Variants in APPL1 observed in about 807,000 individuals in gnomAD.
APPL1 encodes DCC-interacting protein 13-alpha.
A neutral mutation model predicts 106.8 loss-of-function variants in APPL1; 42 were observed. The ratio of observed to expected loss-of-function variants is 0.39; its 90% CI spans 0.31 to 0.51. The LOEUF (loss-of-function observed/expected upper bound fraction) is 0.51. Ranked by LOEUF, APPL1 falls within the 20% of genes least tolerant of loss-of-function variation. The probability of loss-of-function intolerance (pLI) is 0.75; values close to 1 mark genes in which losing one functional copy is unlikely to be tolerated. For missense variants in APPL1, 769 were observed against 858.2 expected (o/e 0.90, Z 1.30); for synonymous variants, 263 against 281.8 (o/e 0.93, Z 0.67).
At chr3:57,257,088 G>A in intron 14 of APPL1, 37 bp downstream of exon 14, 8 of 1,595,868 alleles carry the variant, frequency 5.0e-6, no homozygotes, top group South Asian at 2.2e-5. Context: ...AGAAGGAGAT[G>A]GGCTATTTAA....
chr3:57,246,349 A>G, intron 8 of APPL1, 127 bp downstream of exon 8: 1 of 666,036 alleles, frequency 1.5e-6, no homozygotes, highest in South Asian at 6.6e-5. Flanking sequence ...TGTTTTAAGA[A>G]GTTATTTTTA....
chr3:57,263,715 T>G (rs1319801544), intron 19 of APPL1, among the ~76,000 whole-genome samples: 1 of 151,616 alleles, frequency 6.6e-6, no homozygotes, highest in Non-Finnish European at 1.5e-5. Context: ...TCTGGCTGAA[T>G]AGTACTCCAT....
Position 57,253,713 on chromosome 3 carries a change from A to G in APPL1, c.1127A>G (p.Gln376Arg), listed in dbSNP as rs1435250502. The G allele has an allele frequency of 6.9e-7, 1 of 1,445,852 alleles. No individual in the cohort carries two copies. Among genetic ancestry groups the G allele is most frequent in the South Asian group, 1.4e-5 (1 of 70,890 alleles). The allele number at this position is 1,445,852 out of a possible 1,614,324, so 89.6% of individuals were successfully genotyped here. A position where few individuals can be genotyped will look rare whatever the true frequency, so the allele number is the denominator to read the frequency against. The change falls in exon 13 of 22, where the codon CAA becomes CGA. Residue 376 changes from glutamine (Q) to arginine (R), a missense_variant. Coordinates refer to ENST00000288266, the MANE Select transcript of APPL1 (RefSeq NM_012096.3). ...TGTACAATAAACAACATATCTAAAC[A>G]AATATACTTAAGTGAAAATCCAGAG... is the stretch of plus-strand genomic sequence containing the variant. ...WICTINNISK[Q>R]IYLSENPEET...
rs2060910870 is a variant in APPL1 at position 57,268,497 on chromosome 3, C to A, written c.1983+10C>A. On this transcript the variant is annotated intron_variant, in intron 21 of 21. Coordinates refer to ENST00000288266, the MANE Select transcript of APPL1 (RefSeq NM_012096.3). The stretch of plus-strand genomic sequence containing the variant: ...AAAACAGATTGAAAAGGTATACAGT[C>A]CTAATGTCTGGATCTTTATGTGTTG... 1 of 1,580,136 alleles carries A rather than the reference C, an allele frequency of 6.3e-7. No individual in the cohort carries two copies. The highest frequency in any genetic ancestry group is 1.2e-5 in the South Asian group (1 of 85,238).
chr3:57,229,699 C>CTTTTT lies in APPL1; in HGVS notation c.54+1786_54+1790dup, dbSNP rs753258836. Among the ~76,000 whole-genome samples the CTTTTT allele has an allele frequency of 1.3e-3, 122 of 93,118 alleles. 12 individuals carry two copies. The highest frequency in any genetic ancestry group is 5.5e-3 in the African/African-American group (118 of 21,456). The allele number at this position is 93,118 out of a possible 152,430, so 61.1% of individuals were successfully genotyped here. On this transcript the variant is annotated intron_variant, in intron 1 of 21. Coordinates refer to ENST00000288266, the MANE Select transcript of APPL1 (RefSeq NM_012096.3). The stretch of plus-strand genomic sequence containing the variant: ...ATACAGGCGTGTGCCACTGTGCCAG[C>CTTTTT]TTTTTTTTTTTTTTTTTTTTTTTTT...
At position 57,249,428 on chromosome 3, in the gene APPL1, G is replaced by T; in HGVS notation, c.932G>T (p.Ser311Ile). 1 of 1,614,176 alleles carries T rather than the reference G, an allele frequency of 6.2e-7. No individual in the cohort carries two copies. Among genetic ancestry groups the T allele is most frequent in the Non-Finnish European group, 8.5e-7 (1 of 1,180,032 alleles). Residue 311 changes from serine to isoleucine, a missense_variant, in exon 11 of 22, where the codon AGT (serine) becomes ATT (isoleucine). By Grantham distance (142) the Ser-to-Ile change is moderately radical (BLOSUM62 -2). Transcript: ENST00000288266. Reference sequence around the variant, plus strand: ...TTCACGCAGGGTGGAAATTTAATGAGTCAGGCCCGTGGGGATGTAGCAGGA... The same window carrying T: ...TTCACGCAGGGTGGAAATTTAATGATTCAGGCCCGTGGGGATGTAGCAGGA... ...FYFTQGGNLM[S>I]QARGDVAGGL...
chr3:57,251,135 C>A (rs2060802438), intron 11 of APPL1, among the ~76,000 whole-genome samples: 1 of 151,146 alleles, frequency 6.6e-6, no homozygotes. Flanking sequence ...TATTCAGGAG[C>A]AGCCTGTGGG....
Position 57,237,618 on chromosome 3 carries a change from A to G in APPL1, c.213+67A>G, listed in dbSNP as rs950901395. The G allele has an allele frequency of 4.3e-6, 5 of 1,150,390 alleles. No individual in the cohort carries two copies. The African/African-American group carries it at 6.4e-5, about 15-fold the overall frequency. The allele number at this position is 1,150,390 out of a possible 1,614,324, so 71.3% of individuals were successfully genotyped here. A position where few individuals can be genotyped will look rare whatever the true frequency, so the allele number is the denominator to read the frequency against. Reference sequence around the variant, plus strand: ...TAGTATCTGTATAGATAGACTTTCAACAAGAATCCTTAAGTTTTCTTGAAT... The same window carrying G: ...TAGTATCTGTATAGATAGACTTTCAGCAAGAATCCTTAAGTTTTCTTGAAT... On this transcript the variant is annotated intron_variant, in intron 3 of 21. Transcript: ENST00000288266.
rs569151980 is a variant in APPL1 at position 57,233,010 on chromosome 3, C to A, written c.55-2556C>A. ...CAGTGAGACTCTGACTCAAAAAAAA[C>A]CAAAAAACAAAAAAACAAAAAAGAA... On this transcript the variant is annotated intron_variant, in intron 1 of 21. Transcript: ENST00000288266. 5.3e-5 allele frequency among the ~76,000 whole-genome samples: 8 copies of A among 151,468 alleles called. No individual in the cohort carries two copies. The East Asian group carries it at 9.7e-4, about 18-fold the overall frequency.
intron 20 of APPL1, 126 bp from the exon 21 acceptor site, chr3:57,268,272 T>G: frequency 1.1e-6 from 1 of 931,590 alleles, no homozygotes; most frequent in Non-Finnish European, 1.6e-6. Flanking sequence ...TATAAACTGT[T>G]GATGTGCTTT....
intron 16 of APPL1, 168 bp from the exon 17 acceptor site, chr3:57,259,677 G>GT: frequency 1.8e-6 from 1 of 554,592 alleles, no homozygotes; most frequent in South Asian, 3.3e-5. Context: ...GAATACTGTA[G>GT]TTAGGAGTTA....
rs1004103696 is a variant in APPL1 at position 57,251,950 on chromosome 3, A to G, written c.1053-319A>G. ...AAATATATATGAGTTCATAATATAT[A>G]TGAAATATATATGATAAGTTGAAAT... is the stretch of plus-strand genomic sequence containing the variant. On this transcript the variant is annotated intron_variant, in intron 11 of 21. Coordinates refer to ENST00000288266, the MANE Select transcript of APPL1 (RefSeq NM_012096.3). Among the ~76,000 whole-genome samples, 4 of 152,278 alleles carry G rather than the reference A, an allele frequency of 2.6e-5. 1 individual carries two copies. The highest frequency in any genetic ancestry group is 2.9e-5 in the Non-Finnish European group (2 of 68,016).
At chr3:57,246,251 A>G in intron 8 of APPL1, 29 bp downstream of exon 8, 1 of 1,480,172 alleles carries the variant, frequency 6.8e-7, no homozygotes, top group Non-Finnish European at 9.0e-7. Flanking sequence ...TTGGATTATA[A>G]CTGTCCTAAA....
intron 6 of APPL1, among the ~76,000 whole-genome samples, 194 bp from the exon 7 acceptor site, chr3:57,242,662 A>T (rs1513470): frequency 7.9e-4 from 121 of 152,320 alleles, no homozygotes; most frequent in East Asian, 2.5e-3. Context: ...TTAATTTTTT[A>T]AAAACCAATT....
intron 4 of APPL1, among the ~76,000 whole-genome samples, chr3:57,239,608 G>A (rs1365255682): frequency 6.6e-6 from 1 of 152,070 alleles, no homozygotes; most frequent in African/African-American, 2.4e-5. Flanking sequence ...TTCAAATAAT[G>A]TTATTATGAG....
At chr3:57,240,584 T>TAC in intron 5 of APPL1, 32 bp downstream of exon 5, 1 of 1,556,242 alleles carries the variant, frequency 6.4e-7, no homozygotes, top group Non-Finnish European at 8.9e-7. Flanking sequence ...TTACTTTCAT[T>TAC]GGCTGTGAGA....
Position 57,271,888 on chromosome 3 carries a change from G to A in APPL1, c.*2201G>A, listed in dbSNP as rs1465985508. On this transcript the variant is annotated 3_prime_UTR_variant, in exon 22 of 22. Coordinates refer to ENST00000288266, the MANE Select transcript of APPL1 (RefSeq NM_012096.3). ...AACAATTTTAGATGATTCAGCTTTT[G>A]TTCCATTACTGTTGAACTATATGAA... 4 of 152,226 alleles carry A rather than the reference G, an allele frequency of 2.6e-5. No homozygotes were observed. Among genetic ancestry groups the A allele is most frequent in the Non-Finnish European group, 5.9e-5 (4 of 68,020 alleles). 9.4% of individuals were successfully genotyped at this position (152,226 alleles called of 1,614,324 possible).
chr3:57,240,529 A>G lies in APPL1; in HGVS notation c.350A>G (p.Gln117Arg). The G allele has an allele frequency of 1.2e-6, 2 of 1,613,756 alleles. No individual in the cohort carries two copies. Among genetic ancestry groups the G allele is most frequent in the Non-Finnish European group, 8.5e-7 (1 of 1,179,752 alleles). The change falls in exon 5 of 22, where the codon CAG becomes CGG. Residue 117 changes from glutamine (Q) to arginine (R), a missense_variant. By Grantham distance (43) the Gln-to-Arg change is conservative. Transcript: ENST00000288266. ...GATGCCATGATGTTCCCCATTACCCAGTTTAAAGAAAGAGATCTGAAAGGT... is the reference window on the plus strand; with the variant it reads ...GATGCCATGATGTTCCCCATTACCCGGTTTAAAGAAAGAGATCTGAAAGGT... ...LADAMMFPITQFKERDLKEIL... is the reference protein window; with the variant it reads ...LADAMMFPITRFKERDLKEIL...
intron 8 of APPL1, among the ~76,000 whole-genome samples, chr3:57,246,665 G>A (rs1464623960): frequency 1.3e-5 from 2 of 152,114 alleles, no homozygotes; most frequent in Non-Finnish European, 2.9e-5. Flanking sequence ...TAGAAAATTT[G>A]GGTAGTATAA....
Sources: allele counts gnomAD v4.1 joint callset (sites outside exome capture counted in the v4.1 genomes callset), GRCh38; gene constraint gnomAD v4.1.1; transcripts MANE v1.5; gene names NCBI Gene and HGNC (gene_info 2026-07-23, HGNC 2026-07-21).